The following CD2AP variants were observed in gnomAD, a reference collection of about 807,000 sequenced individuals.
CD2AP encodes the protein CD2 associated protein.
Under a neutral mutation model 85.1 loss-of-function variants are expected in CD2AP, and 46 were observed. The ratio of observed to expected loss-of-function variants is 0.54; its 90% CI spans 0.43 to 0.69. The LOEUF (loss-of-function observed/expected upper bound fraction) is 0.69, where lower values mean the gene tolerates loss of function less well. Ranked by LOEUF, CD2AP falls within the 30% of genes least tolerant of loss-of-function variation. CD2AP has a pLI of 0.00. For missense variants in CD2AP, 769 were observed against 729.5 expected (o/e 1.05, Z -0.62); for synonymous variants, 255 against 252.9 (o/e 1.01, Z -0.08).
chr6:47,599,346 G>A lies in CD2AP; in HGVS notation c.1320G>A (p.Glu440=), dbSNP rs758892279. ...GCATTTCATCAAAATTTGAAACTGA[G>A]CCAGTATCAAAACTAAAGCTAGATT... The part of the protein sequence containing the change: ...VSSISSKFET[E]PVSKLKLDSE... The change falls in exon 13 of 18, where the codon GAG becomes GAA. Residue 440 remains glutamate, a synonymous_variant. Coordinates refer to ENST00000359314, the MANE Select transcript of CD2AP (RefSeq NM_012120.3). 2.5e-6 allele frequency: 4 copies of A among 1,611,436 alleles called. No homozygotes were observed. Among genetic ancestry groups the A allele is most frequent in the Non-Finnish European group, 3.4e-6 (4 of 1,178,222 alleles).
At chr6:47,482,537 C>T (rs1343593522) in intron 1 of CD2AP, among the ~76,000 whole-genome samples, 1 of 151,950 alleles carries the variant, frequency 6.6e-6, no homozygotes, top group Non-Finnish European at 1.5e-5. Context: ...TGCCACCATG[C>T]CTGGCTAATT....
chr6:47,568,743 C>CAAATAGAT (rs112669485), intron 5 of CD2AP, among the ~76,000 whole-genome samples: 1 of 150,332 alleles, frequency 6.7e-6, no homozygotes, highest in Non-Finnish European at 1.5e-5. Flanking sequence ...GACTCCGTCT[C>CAAATAGAT]AAATAAATAA....
intron 1 of CD2AP, among the ~76,000 whole-genome samples, chr6:47,483,402 A>G (rs1765492141): frequency 6.6e-6 from 1 of 152,172 alleles, no homozygotes; most frequent in Non-Finnish European, 1.5e-5. Context: ...GTAGAGATTC[A>G]GACTGGCATC....
Position 47,478,019 on chromosome 6 carries a change from G to T in CD2AP, c.-226G>T. On this transcript the variant is annotated 5_prime_UTR_variant, in exon 1 of 18. Transcript: ENST00000359314. Reference sequence around the variant, plus strand: ...GCCGTGGCTCCTGGGGAGGCCAGGGGTGAGGAGCTGTCGCCGCCTTTGCCT... The same window carrying T: ...GCCGTGGCTCCTGGGGAGGCCAGGGTTGAGGAGCTGTCGCCGCCTTTGCCT... The T allele has an allele frequency of 1.6e-6, 1 of 611,278 alleles. No individual in the cohort carries two copies. The highest frequency in any genetic ancestry group is 2.9e-6 in the Non-Finnish European group (1 of 346,552). The allele number at this position is 611,278 out of a possible 1,614,324, so 37.9% of individuals were successfully genotyped here.
intron 17 of CD2AP, among the ~76,000 whole-genome samples, chr6:47,614,063 C>CT (rs1769517819): frequency 6.6e-6 from 1 of 152,202 alleles, no homozygotes; most frequent in Admixed American, 6.5e-5. Flanking sequence ...TAGGCTTTGG[C>CT]TTAAGGAAAT....
chr6:47,561,077 AT>A (rs1767847996), intron 5 of CD2AP, among the ~76,000 whole-genome samples: 1 of 152,098 alleles, frequency 6.6e-6, no homozygotes, highest in Non-Finnish European at 1.5e-5. Flanking sequence ...TAACTGTATG[AT>A]TTTGCTAGTG....
chr6:47,520,697 G>A (rs77652558), intron 2 of CD2AP, among the ~76,000 whole-genome samples: 6,620 of 150,434 alleles, frequency 0.044, 181 homozygotes, highest in East Asian at 0.064. Context: ...TCCCTACTTG[G>A]TCATTGCTAC....
At chr6:47,575,158 A>G (rs2114097607) in intron 6 of CD2AP, among the ~76,000 whole-genome samples, 1 of 152,262 alleles carries the variant, frequency 6.6e-6, no homozygotes, top group African/African-American at 2.4e-5. Context: ...TAGCTCTGAG[A>G]CTATCTGGCA....
Position 47,544,715 on chromosome 6 carries a change from A to G in CD2AP, c.420+9A>G, listed in dbSNP as rs974066698. On this transcript the variant is annotated intron_variant, in intron 4 of 17. Coordinates refer to ENST00000359314, the MANE Select transcript of CD2AP (RefSeq NM_012120.3). ...TTGATATTAATGAAGAGGTAAGGAA[A>G]AAATGTGTTACAGGTAAAACAGTAA... 6.7e-7 allele frequency: 1 copy of G among 1,494,192 alleles called. No individual in the cohort carries two copies. The highest frequency in any genetic ancestry group is 9.3e-7 in the Non-Finnish European group (1 of 1,071,038). 92.6% of individuals were successfully genotyped at this position (1,494,192 alleles called of 1,614,324 possible).
intron 5 of CD2AP, among the ~76,000 whole-genome samples, chr6:47,560,508 C>T (rs1176044310): frequency 6.6e-6 from 1 of 151,998 alleles, no homozygotes; most frequent in Non-Finnish European, 1.5e-5. Flanking sequence ...TTGACATTGA[C>T]ATTTTTGAAG....
At chr6:47,521,397 C>G (rs988299623) in intron 2 of CD2AP, among the ~76,000 whole-genome samples, 1 of 151,758 alleles carries the variant, frequency 6.6e-6, no homozygotes, top group Non-Finnish European at 1.5e-5. Flanking sequence ...ACTAAATATA[C>G]AAAAATTAGC....
At chr6:47,488,817 G>T (rs576240253) in intron 1 of CD2AP, among the ~76,000 whole-genome samples, 1 of 152,134 alleles carries the variant, frequency 6.6e-6, no homozygotes, top group African/African-American at 2.4e-5. Context: ...CTTGAGCCTG[G>T]AAGGTCGAGG....
intron 2 of CD2AP, among the ~76,000 whole-genome samples, chr6:47,519,437 C>T (rs564977012): frequency 2.6e-5 from 4 of 152,156 alleles, no homozygotes; most frequent in South Asian, 2.1e-4. Context: ...GACAGGAGTA[C>T]GGCCTTTGGA....
rs959889525 is a variant in CD2AP at position 47,624,855 on chromosome 6, C to G, written c.*628C>G. Reference sequence around the variant, plus strand: ...TAGCTATATAAACCAGATTACTCACCCATGCATATAGTAAGAACTAATGAA... The same window carrying G: ...TAGCTATATAAACCAGATTACTCACGCATGCATATAGTAAGAACTAATGAA... On this transcript the variant is annotated 3_prime_UTR_variant, in exon 18 of 18. Coordinates refer to ENST00000359314, the MANE Select transcript of CD2AP (RefSeq NM_012120.3). 10 of 151,656 alleles carry G rather than the reference C, an allele frequency of 6.6e-5. No individual in the cohort carries two copies. Among genetic ancestry groups the G allele is most frequent in the African/African-American group, 2.2e-4 (9 of 41,286 alleles). 9.4% of individuals were successfully genotyped at this position (151,656 alleles called of 1,614,324 possible). A position where few individuals can be genotyped will look rare whatever the true frequency, so the allele number is the denominator to read the frequency against.
chr6:47,606,209 C>T lies in CD2AP; in HGVS notation c.1462C>T (p.His488Tyr), dbSNP rs1269468899. Residue 488 changes from histidine (H) to tyrosine (Y), a missense_variant, in exon 14 of 18, where the codon CAT becomes TAT. Transcript: ENST00000359314. Reference sequence around the variant, plus strand: ...CATAGCTTCCTCAGAAAACTTGCTTCATCTCACTGCAAATAGACCAAAGAT... The same window carrying T: ...CATAGCTTCCTCAGAAAACTTGCTTTATCTCACTGCAAATAGACCAAAGAT... ...DDIASSENLL[H>Y]LTANRPKMPG... is the part of the protein sequence containing the mutation. The T allele has an allele frequency of 5.0e-6, 8 of 1,611,336 alleles. No individual in the cohort carries two copies. Among genetic ancestry groups the T allele is most frequent in the Admixed American group, 1.7e-5 (1 of 59,898 alleles).
Position 47,503,502 on chromosome 6 carries a change from G to A in CD2AP, c.165+62G>A. ...ATAGGATTTAATCTTTAAATGTTAA[G>A]AAATAGATATACTTTTAAAATTAAA... On this transcript the variant is annotated intron_variant, in intron 2 of 17. Transcript: ENST00000359314. 3.0e-6 allele frequency: 4 copies of A among 1,342,448 alleles called. No individual in the cohort carries two copies. In the South Asian group the frequency reaches 3.6e-5, roughly 12 times the overall value. The allele number at this position is 1,342,448 out of a possible 1,614,324, so 83.2% of individuals were successfully genotyped here. A position where few individuals can be genotyped will look rare whatever the true frequency, so the allele number is the denominator to read the frequency against.
chr6:47,543,019 C>T (rs756393733), intron 3 of CD2AP, among the ~76,000 whole-genome samples: 15 of 151,406 alleles, frequency 9.9e-5, no homozygotes, highest in African/African-American at 1.5e-4. Context: ...GGCGTGGTGG[C>T]GCTCACCTGT....
chr6:47,618,714 G>A (rs2114162215), intron 17 of CD2AP, among the ~76,000 whole-genome samples: 1 of 152,230 alleles, frequency 6.6e-6, no homozygotes, highest in East Asian at 1.9e-4. Context: ...TGTTAAATTT[G>A]TATATCTGAC....
chr6:47,561,053 ATTATTTATT>A (rs1034645505), intron 5 of CD2AP, among the ~76,000 whole-genome samples: 2 of 152,136 alleles, frequency 1.3e-5, no homozygotes, highest in African/African-American at 4.8e-5. Context: ...TATTACCAGT[ATTATTTATT>A]TTGATAACTG....
Sources: allele counts gnomAD v4.1 joint callset (sites outside exome capture counted in the v4.1 genomes callset), GRCh38; gene constraint gnomAD v4.1.1; transcripts MANE v1.5; gene names NCBI Gene and HGNC (gene_info 2026-07-23, HGNC 2026-07-21).